The following NCAN variants were observed in gnomAD, a reference collection of about 807,000 sequenced individuals.
NCAN encodes neurocan.
Under a neutral mutation model 121.8 loss-of-function variants are expected in NCAN, and 47 were observed. That is an observed-to-expected ratio of 0.39 (90% confidence interval 0.31 to 0.49). The LOEUF (loss-of-function observed/expected upper bound fraction) is 0.49, where lower values mean the gene tolerates loss of function less well. Among genes scored for constraint, NCAN ranks in the 20% least tolerant of loss-of-function variants. NCAN has a pLI of 0.92. For synonymous variants in NCAN, 633 were observed against 702.0 expected, an observed-to-expected ratio of 0.90 and a Z score of 1.55; for missense variants, 1,517 against 1,773.4, an observed-to-expected ratio of 0.86 and a Z score of 2.60.
chr19:19,249,808 A>G lies in NCAN; in HGVS notation c.3863A>G (p.Gln1288Arg), dbSNP rs1288348356. 3.7e-6 allele frequency: 6 copies of G among 1,612,328 alleles called. No individual in the cohort carries two copies. Among genetic ancestry groups the G allele is most frequent in the Non-Finnish European group, 3.4e-6 (4 of 1,179,484 alleles). The change falls in exon 15 of 15, where the codon CAA (glutamine) becomes CGA (arginine). Residue 1288 changes from glutamine (Q) to arginine (R), a missense_variant. By Grantham distance (43) the Gln-to-Arg change is conservative. Coordinates refer to ENST00000252575, the MANE Select transcript of NCAN (RefSeq NM_004386.3). Reference protein sequence around the residue: ...HRMRRHHHHHQHHHQHHHHKS... With the variant: ...HRMRRHHHHHRHHHQHHHHKS... ...ATGCGGCGACACCACCACCACCACC[A>G]ACACCACCACCAGCATCACCACCAC...
rs973227626 is a variant in NCAN at position 19,225,014 on chromosome 19, A to T, written c.816A>T (p.Thr272=). 14 of 1,477,460 alleles carry T rather than the reference A, an allele frequency of 9.5e-6. No individual in the cohort carries two copies. Among genetic ancestry groups the T allele is most frequent in the Non-Finnish European group, 2.7e-6 (3 of 1,122,204 alleles). 91.5% of individuals were successfully genotyped at this position (1,477,460 alleles called of 1,614,324 possible). A position where few individuals can be genotyped will look rare whatever the true frequency, so the allele number is the denominator to read the frequency against. ...VFYVGPARRL[T]LAGARAQCRR... is the part of the protein sequence containing the mutation. ...ACGTGGGCCCGGCCCGCCGCCTGAC[A>T]CTGGCCGGCGCGCGTGCACAGTGCC... The change falls in exon 6 of 15, where the codon ACA becomes ACT. Residue 272 remains threonine (T), a synonymous_variant. Coordinates refer to ENST00000252575, the MANE Select transcript of NCAN (RefSeq NM_004386.3). This position sits in a 1 kb window ranked among gnomAD's most constrained non-coding sequence, Gnocchi z 4.0.
intron 11 of NCAN, among the ~76,000 whole-genome samples, chr19:19,239,541 A>C (rs1599820797): frequency 1.5e-4 from 12 of 78,216 alleles, no homozygotes; most frequent in East Asian, 3.8e-4. Context: ...CCTTCCACTC[A>C]TCTTCCACCT....
chr19:19,244,728 C>T (rs1254043966), intron 12 of NCAN, among the ~76,000 whole-genome samples: 9 of 136,492 alleles, frequency 6.6e-5, no homozygotes, highest in African/African-American at 1.9e-4. Context: ...TTTTCTTTTC[C>T]TTTTTTTTTT....
At chr19:19,214,761 T>A (rs1013929414) in intron 1 of NCAN, among the ~76,000 whole-genome samples, 136 of 145,322 alleles carry the variant, frequency 9.4e-4, no homozygotes, top group African/African-American at 1.9e-3. Context: ...TGTGTGTGTG[T>A]GTGAGAGAGA....
intron 14 of NCAN, 40 bp downstream of exon 14, chr19:19,248,922 G>T (rs772658177): frequency 6.3e-7 from 1 of 1,597,282 alleles, no homozygotes; most frequent in Non-Finnish European, 8.6e-7. Context: ...TAGGTTTTTG[G>T]TATTTCTAGT....
chr19:19,235,374 A>G (rs1322505732), intron 10 of NCAN, among the ~76,000 whole-genome samples: 1 of 151,592 alleles, frequency 6.6e-6, no homozygotes, highest in Admixed American at 6.6e-5. Flanking sequence ...GTTTCAAGCA[A>G]TTTTCCCTGC....
chr19:19,245,737 C>T (rs1599825213), intron 13 of NCAN, among the ~76,000 whole-genome samples: 2 of 152,082 alleles, frequency 1.3e-5, no homozygotes, highest in Admixed American at 6.5e-5. Context: ...CTCAGCCTCT[C>T]GAAGTGCTGG....
intron 10 of NCAN, among the ~76,000 whole-genome samples, chr19:19,237,741 CAAAGA>C (rs1599819640): frequency 6.6e-6 from 1 of 152,058 alleles, no homozygotes. Context: ...CTTCCAGAAA[CAAAGA>C]AAAGACATTA....
intron 13 of NCAN, among the ~76,000 whole-genome samples, chr19:19,247,775 G>T (rs987881662): frequency 6.6e-6 from 1 of 152,174 alleles, no homozygotes; most frequent in African/African-American, 2.4e-5. Context: ...TAGAAAGTGA[G>T]GTGTGTCCGG....
chr19:19,220,018 C>T (rs1301778881), intron 3 of NCAN, among the ~76,000 whole-genome samples: 1 of 151,992 alleles, frequency 6.6e-6, no homozygotes, highest in African/African-American at 2.4e-5. Flanking sequence ...CACCGCGAGA[C>T]TCTGTCTCAA....
At chr19:19,223,658 A>G (rs1422747091) in intron 3 of NCAN, among the ~76,000 whole-genome samples, 1 of 152,008 alleles carries the variant, frequency 6.6e-6, no homozygotes, top group Non-Finnish European at 1.5e-5. Context: ...TTTTTAGTAG[A>G]GACAGGGTTT....
intron 3 of NCAN, among the ~76,000 whole-genome samples, chr19:19,220,045 G>T (rs1048019440): frequency 6.6e-6 from 1 of 151,950 alleles, no homozygotes; most frequent in East Asian, 1.9e-4. Flanking sequence ...AAAAACGTCT[G>T]TATCAGTATG....
Position 19,219,052 on chromosome 19 carries a change from C to G in NCAN, c.211C>G (p.Arg71Gly), listed in dbSNP as rs766960753. 3 of 1,612,084 alleles carry G rather than the reference C, an allele frequency of 1.9e-6. No individual in the cohort carries two copies. The highest frequency in any genetic ancestry group is 2.5e-6 in the Non-Finnish European group (3 of 1,178,934). The change falls in exon 3 of 15, where the codon CGA becomes GGA. Residue 71 changes from arginine (R) to glycine (G), a missense_variant. Coordinates refer to ENST00000252575, the MANE Select transcript of NCAN (RefSeq NM_004386.3). ...CCTGCAGCCACGGCCAAGCGCAGCCCGAGATGCCCCTCGGATAAAGTGGAC... is the reference window on the plus strand; with the variant it reads ...CCTGCAGCCACGGCCAAGCGCAGCCGGAGATGCCCCTCGGATAAAGTGGAC... The part of the protein sequence containing the change: ...FTLQPRPSAA[R>G]DAPRIKWTKV...
chr19:19,232,128 T>C (rs959158003), intron 8 of NCAN, among the ~76,000 whole-genome samples: 4 of 151,812 alleles, frequency 2.6e-5, no homozygotes, highest in African/African-American at 9.7e-5. Context: ...GGCGACCACA[T>C]AGGAACACTA....
chr19:19,248,348 G>A (rs1223303206), intron 13 of NCAN, among the ~76,000 whole-genome samples: 2 of 152,070 alleles, frequency 1.3e-5, no homozygotes, highest in Non-Finnish European at 2.9e-5. Context: ...GGGAGGTTGA[G>A]GCAGGAGAAT....
intron 2 of NCAN, 46 bp from the exon 3 acceptor site, chr19:19,218,869 G>A (rs780290011): frequency 2.1e-6 from 3 of 1,460,938 alleles, no homozygotes; most frequent in Admixed American, 2.5e-5. Flanking sequence ...TCCCTGCTTG[G>A]TTCTTGCCTC....
intron 3 of NCAN, among the ~76,000 whole-genome samples, chr19:19,220,604 C>A (rs999323454): frequency 6.6e-6 from 1 of 151,792 alleles, no homozygotes; most frequent in East Asian, 1.9e-4. Flanking sequence ...ACTACAGGCG[C>A]CCGCCACAGC....
intron 8 of NCAN, among the ~76,000 whole-genome samples, chr19:19,232,442 A>G (rs1449214631): frequency 6.6e-6 from 1 of 152,248 alleles, no homozygotes. Flanking sequence ...ACACACGTGC[A>G]GGGCCGTCGT....
intron 3 of NCAN, 27 bp from the exon 4 acceptor site, chr19:19,223,993 TC>T: frequency 6.7e-7 from 1 of 1,496,022 alleles, no homozygotes; most frequent in Non-Finnish European, 8.9e-7. Context: ...AAGTCAACTG[TC>T]CCCCCATCCT....
Sources: gnomAD v4.1 joint callset for allele counts (sites outside exome capture counted in the v4.1 genomes callset) on GRCh38, gnomAD v4.1.1 for gene constraint, Gnocchi (gnomAD v3.1) non-coding constraint, MANE v1.5 for transcripts, NCBI Gene and HGNC (gene_info 2026-07-23, HGNC 2026-07-21) for gene names.